ANK3: variants seen among roughly 807,000 people sequenced by gnomAD.
The protein encoded by ANK3 is ankyrin 3, also known as ankyrin-3.
In ANK3, 57 loss-of-function variants were observed where a neutral mutation model predicts 370.9. The observed-to-expected ratio is 0.15, with a 90% confidence interval of 0.12 to 0.19. ANK3 has a LOEUF of 0.19. Ranked by LOEUF, ANK3 falls within the 10% of genes least tolerant of loss-of-function variation. The pLI is 1.00. For synonymous variants in ANK3, 1,929 were observed against 1,946.3 expected (o/e 0.99, Z 0.23); for missense variants, 4,439 against 5,302.1 (o/e 0.84, Z 5.06).
At chr10:60,175,040 T>A (rs1280601404) in intron 18 of ANK3, among the ~76,000 whole-genome samples, 2 of 152,072 alleles carry the variant, frequency 1.3e-5, no homozygotes, top group Non-Finnish European at 2.9e-5. Flanking sequence ...AATGCACAGG[T>A]TCTATTCATC....
intron 1 of ANK3, among the ~76,000 whole-genome samples, chr10:60,725,504 C>G (rs917887629): frequency 6.6e-6 from 1 of 152,172 alleles, no homozygotes; most frequent in Non-Finnish European, 1.5e-5. Flanking sequence ...TGTGCTTCCA[C>G]CAGCACACGC....
intron 16 of ANK3, among the ~76,000 whole-genome samples, chr10:60,190,955 G>T (rs1018727621): frequency 2.0e-5 from 3 of 152,056 alleles, no homozygotes; most frequent in African/African-American, 7.2e-5. Flanking sequence ...ACTAATCTTT[G>T]ACAAAGTTAA....
intron 2 of ANK3, among the ~76,000 whole-genome samples, chr10:60,423,242 G>C (rs940458061): frequency 5.9e-5 from 9 of 152,074 alleles, no homozygotes; most frequent in Non-Finnish European, 1.3e-4. Context: ...AAACTTGCTT[G>C]TGGTCTATTT....
At chr10:60,359,467 A>G (rs2058280851) in intron 1 of ANK3, among the ~76,000 whole-genome samples, 1 of 152,184 alleles carries the variant, frequency 6.6e-6, no homozygotes, top group Non-Finnish European at 1.5e-5. Flanking sequence ...ACATAAATTA[A>G]CTACTATTAT....
chr10:60,226,507 AT>A, intron 8 of ANK3, among the ~76,000 whole-genome samples: 1 of 64,962 alleles, frequency 1.5e-5, no homozygotes, highest in South Asian at 5.2e-4. Context: ...TATAGTATAT[AT>A]ACATAGTATA....
intron 7 of ANK3, among the ~76,000 whole-genome samples, chr10:60,253,800 C>T (rs1319849449): frequency 6.6e-6 from 1 of 152,104 alleles, no homozygotes; most frequent in Non-Finnish European, 1.5e-5. Flanking sequence ...GTCTTTAATG[C>T]TGTTGAGCCT....
chr10:60,178,897 T>C (rs1367224327), intron 18 of ANK3, among the ~76,000 whole-genome samples: 1 of 151,224 alleles, frequency 6.6e-6, no homozygotes, highest in Non-Finnish European at 1.5e-5. Context: ...TAAACTCATT[T>C]GGTGAACTTC....
chr10:60,553,734 T>A lies in ANK3; in HGVS notation c.96+61452A>T, dbSNP rs575218090. Among the ~76,000 whole-genome samples the A allele has an allele frequency of 4.0e-4, 61 of 152,070 alleles. No homozygotes were observed. In the South Asian group the frequency reaches 5.0e-3, roughly 12 times the overall value. On this transcript the variant is annotated intron_variant, in intron 2 of 43. Coordinates refer to the ANK3 transcript ENST00000373827. ...TTGAACAATTAAAAGAGTAAAAAAA[T>A]TTTTTTTGAAAACCAATAAAGGAAA...
chr10:60,600,367 C>G (rs992875369), intron 2 of ANK3, among the ~76,000 whole-genome samples: 1 of 152,150 alleles, frequency 6.6e-6, no homozygotes, highest in African/African-American at 2.4e-5. Context: ...TTTCATATAT[C>G]TGATGCTCCT....
chr10:60,325,104 T>C (rs539551430), intron 1 of ANK3, among the ~76,000 whole-genome samples: 25 of 152,366 alleles, frequency 1.6e-4, no homozygotes, highest in African/African-American at 6.0e-4. Flanking sequence ...ATTTCTTCTC[T>C]GATATTTGAA....
intron 1 of ANK3, among the ~76,000 whole-genome samples, chr10:60,332,895 G>A (rs1014472536): frequency 6.6e-6 from 1 of 152,096 alleles, no homozygotes; most frequent in African/African-American, 2.4e-5. Flanking sequence ...GATCTGTTGG[G>A]AGGATTAATA....
At chr10:60,491,002 C>T (rs1262794534) in intron 2 of ANK3, among the ~76,000 whole-genome samples, 1 of 152,176 alleles carries the variant, frequency 6.6e-6, no homozygotes, top group Non-Finnish European at 1.5e-5. Flanking sequence ...TTTGCCTGTA[C>T]TGCAACTTAA....
At chr10:60,524,704 C>G (rs2076427807) in intron 2 of ANK3, among the ~76,000 whole-genome samples, 1 of 152,094 alleles carries the variant, frequency 6.6e-6, no homozygotes, top group African/African-American at 2.4e-5. Flanking sequence ...CAGACTAATA[C>G]AACCACAAAA....
chr10:60,042,974 A>C, intron 42 of ANK3: 1 of 1,327,454 alleles, frequency 7.5e-7, no homozygotes, highest in Non-Finnish European at 9.6e-7. Flanking sequence ...ATACAACATA[A>C]TTGTACTTGA....
intron 2 of ANK3, among the ~76,000 whole-genome samples, chr10:60,479,750 C>T (rs879678823): frequency 1.3e-5 from 2 of 151,822 alleles, no homozygotes; most frequent in Admixed American, 6.6e-5. Context: ...CTATGTTGGT[C>T]GAAATCATCC....
In ANK3 at chr10:60,072,419, A is replaced by G. The variant is rs772076201; in HGVS notation, c.8462T>C (p.Met2821Thr). 1.9e-6 allele frequency: 3 copies of G among 1,614,074 alleles called. No homozygotes were observed. The highest frequency in any genetic ancestry group is 3.3e-5 in the Admixed American group (2 of 60,020). Reference sequence around the variant, plus strand: ...CTGCTGCTCAGAAAAAGAGTCAGGCATTGCTTTACTTGACATTTCAGTTCT... The same window carrying G: ...CTGCTGCTCAGAAAAAGAGTCAGGCGTTGCTTTACTTGACATTTCAGTTCT... ...KQRTEMSSKA[M>T]PDSFSEQQAK... Residue 2821 changes from methionine to threonine, a missense_variant, in exon 37 of 44, where the codon ATG becomes ACG. Physicochemically the swap from Met to Thr is moderately conservative, Grantham distance 81. Coordinates refer to ENST00000280772, the MANE Select transcript of ANK3 (RefSeq NM_020987.5).
intron 1 of ANK3, among the ~76,000 whole-genome samples, chr10:60,640,418 C>A (rs200640232): frequency 6.9e-6 from 1 of 144,428 alleles, no homozygotes; most frequent in South Asian, 2.5e-4. Context: ...AATCCAGCAG[C>A]ACATCAAAAA....
At chr10:60,054,693 C>T (rs759829379) in intron 42 of ANK3, among the ~76,000 whole-genome samples, 2 of 152,194 alleles carry the variant, frequency 1.3e-5, no homozygotes, top group African/African-American at 2.4e-5. Context: ...AACCTCAAAT[C>T]AATCTTGAAC....
chr10:60,104,833 A>C (rs2132082367), intron 28 of ANK3, among the ~76,000 whole-genome samples: 1 of 152,330 alleles, frequency 6.6e-6, no homozygotes, highest in South Asian at 2.1e-4. Flanking sequence ...ACTGTATTTC[A>C]CATGTGCCTC....
Sources: allele counts gnomAD v4.1 joint callset (sites outside exome capture counted in the v4.1 genomes callset), GRCh38; gene constraint gnomAD v4.1.1; transcripts MANE v1.5; gene names NCBI Gene and HGNC (gene_info 2026-07-23, HGNC 2026-07-21).